Variants in LINGO2 observed in about 807,000 individuals in gnomAD.
LINGO2 encodes the protein leucine-rich repeat and immunoglobulin-like domain-containing nogo receptor-interacting protein 2.
A neutral mutation model predicts 30.6 loss-of-function variants in LINGO2; 14 were observed. The ratio of observed to expected loss-of-function variants is 0.46; its 90% CI spans 0.30 to 0.72. LINGO2 has a LOEUF of 0.72. Ranked by LOEUF, LINGO2 falls within the 30% of genes least tolerant of loss-of-function variation. The pLI, the probability that LINGO2 is intolerant of heterozygous loss-of-function variation, is 0.07. For synonymous variants in LINGO2, 317 were observed against 288.5 expected (o/e 1.10, Z -1.00); for missense variants, 729 against 751.7 (o/e 0.97, Z 0.35).
At position 28,589,303 on chromosome 9, in the gene LINGO2, C is replaced by T. The variant is rs550685874; in HGVS notation, c.-365+80897G>A. The stretch of plus-strand genomic sequence containing the variant: ...ATAGTGTTGGAAGTTCTGGCCAGGG[C>T]AGTCAGGCAGGAGAAGGAAATAAAG... On this transcript the variant is annotated intron_variant, in intron 1 of 5. Coordinates refer to ENST00000379992, the Ensembl canonical transcript of LINGO2. Among the ~76,000 whole-genome samples, 7 of 152,134 alleles carry T rather than the reference C, an allele frequency of 4.6e-5. No individual in the cohort carries two copies. The East Asian group carries it at 9.7e-4, about 21-fold the overall frequency.
intron 2 of LINGO2, among the ~76,000 whole-genome samples, chr9:28,425,241 C>T (rs10125264): frequency 0.47 from 68,468 of 146,886 alleles, 16,233 homozygotes; most frequent in Admixed American, 0.51. Flanking sequence ...GTATATATTA[C>T]ATATTAAATA....
chr9:28,622,037 C>T (rs369623784), intron 1 of LINGO2, among the ~76,000 whole-genome samples: 35 of 151,946 alleles, frequency 2.3e-4, no homozygotes, highest in Non-Finnish European at 3.7e-4. Context: ...TAATTTTTGT[C>T]GGTACTTACT....
chr9:28,570,921 T>C (rs1415151684), intron 1 of LINGO2, among the ~76,000 whole-genome samples: 1 of 151,842 alleles, frequency 6.6e-6, no homozygotes, highest in Non-Finnish European at 1.5e-5. Flanking sequence ...ACATCCACAC[T>C]TTTAAATTGT....
chr9:28,564,333 G>A (rs1174797817), intron 1 of LINGO2, among the ~76,000 whole-genome samples: 3 of 152,068 alleles, frequency 2.0e-5, no homozygotes, highest in Non-Finnish European at 1.5e-5. Flanking sequence ...ATCTAGATCT[G>A]CAAAAGTAGA....
intron 4 of LINGO2, among the ~76,000 whole-genome samples, chr9:28,225,721 G>A (rs1821122517): frequency 6.6e-6 from 1 of 151,990 alleles, no homozygotes; most frequent in Non-Finnish European, 1.5e-5. Context: ...AGCAAGCAAT[G>A]TGAAAACCTC....
the LINGO2 span, among the ~76,000 whole-genome samples, chr9:29,090,766 A>C: frequency 0.39 from 59,562 of 151,378 alleles, 11,982 homozygotes; most frequent in African/African-American, 0.49. Flanking sequence ...GAATTTTAGT[A>C]AATTTATTAT....
chr9:28,157,110 C>T (rs1435823292), intron 4 of LINGO2, among the ~76,000 whole-genome samples: 3 of 152,218 alleles, frequency 2.0e-5, no homozygotes, highest in Non-Finnish European at 4.4e-5. Context: ...GGGTCTTCAA[C>T]CCCACATTTC....
chr9:28,713,863 A>G, the LINGO2 span, among the ~76,000 whole-genome samples: 18 of 152,066 alleles, frequency 1.2e-4, no homozygotes, highest in Admixed American at 1.0e-3. Flanking sequence ...CAATAAAAAT[A>G]TATCTCCACT....
At chr9:29,180,932 C>T in the LINGO2 span, among the ~76,000 whole-genome samples, 48 of 152,212 alleles carry the variant, frequency 3.2e-4, no homozygotes, top group African/African-American at 1.1e-3. Context: ...GAAAAGGTTA[C>T]GTACATTTTG....
intron 4 of LINGO2, among the ~76,000 whole-genome samples, chr9:28,205,937 C>A (rs2133838084): frequency 6.6e-6 from 1 of 152,110 alleles, no homozygotes; most frequent in East Asian, 1.9e-4. Context: ...TATCCCAGCA[C>A]TTTGGGAGGC....
At chr9:28,307,609 G>A (rs1824422969) in intron 3 of LINGO2, among the ~76,000 whole-genome samples, 1 of 152,106 alleles carries the variant, frequency 6.6e-6, no homozygotes, top group South Asian at 2.1e-4. Context: ...GAAATAAAGG[G>A]TATTCAGTTA....
intron 1 of LINGO2, among the ~76,000 whole-genome samples, chr9:28,662,320 T>C (rs1563900542): frequency 1.3e-5 from 2 of 152,166 alleles, no homozygotes; most frequent in East Asian, 1.9e-4. Flanking sequence ...AGTGGCACAA[T>C]TATTTAGGCT....
chr9:29,119,766 T>C, the LINGO2 span, among the ~76,000 whole-genome samples: 1 of 151,776 alleles, frequency 6.6e-6, no homozygotes, highest in Non-Finnish European at 1.5e-5. Context: ...ACCCGGCTAA[T>C]TTTGTGTTTT....
At chr9:28,339,794 G>C (rs1057148826) in intron 3 of LINGO2, among the ~76,000 whole-genome samples, 7 of 152,128 alleles carry the variant, frequency 4.6e-5, no homozygotes, top group African/African-American at 1.7e-4. Flanking sequence ...TCTGTTATTA[G>C]AACTTCATTC....
chr9:28,732,364 GA>G, the LINGO2 span, among the ~76,000 whole-genome samples: 4,831 of 144,862 alleles, frequency 0.033, 264 homozygotes, highest in African/African-American at 0.12. Flanking sequence ...AAAAAAAAAT[GA>G]AAAAAAAAAT....
chr9:28,869,222 C>T, the LINGO2 span, among the ~76,000 whole-genome samples: 1 of 152,012 alleles, frequency 6.6e-6, no homozygotes, highest in Non-Finnish European at 1.5e-5. Flanking sequence ...ACTTAATGTT[C>T]CATCCTTCAG....
At chr9:28,590,343 G>C (rs1393149587) in intron 1 of LINGO2, among the ~76,000 whole-genome samples, 1 of 151,958 alleles carries the variant, frequency 6.6e-6, no homozygotes, top group Admixed American at 6.6e-5. Flanking sequence ...CACAGCAAAA[G>C]AAACTACCAT....
At chr9:28,280,211 T>G (rs1823269909) in intron 4 of LINGO2, among the ~76,000 whole-genome samples, 1 of 152,060 alleles carries the variant, frequency 6.6e-6, no homozygotes, top group South Asian at 2.1e-4. Flanking sequence ...TCAGCAAAAA[T>G]TTTTGAGAGA....
the LINGO2 span, among the ~76,000 whole-genome samples, chr9:28,745,052 G>A: frequency 6.6e-6 from 1 of 152,012 alleles, no homozygotes; most frequent in Non-Finnish European, 1.5e-5. Flanking sequence ...CTTTATCATA[G>A]ACATGTATGT....
Sources: gnomAD v4.1 joint callset for allele counts (sites outside exome capture counted in the v4.1 genomes callset) on GRCh38, gnomAD v4.1.1 for gene constraint, MANE v1.5 for transcripts, NCBI Gene and HGNC (gene_info 2026-07-23, HGNC 2026-07-21) for gene names.